Variants in TSHZ2 observed in about 807,000 individuals in gnomAD.
The protein encoded by TSHZ2 is teashirt homolog 2.
Under a neutral mutation model 74.4 loss-of-function variants are expected in TSHZ2, and 21 were observed. The observed-to-expected ratio is 0.28, with a 90% confidence interval of 0.20 to 0.41. TSHZ2 has a LOEUF of 0.41. Among genes scored for constraint, TSHZ2 ranks in the 10% least tolerant of loss-of-function variants. The pLI, the probability that TSHZ2 is intolerant of heterozygous loss-of-function variation, is 1.00. For synonymous variants in TSHZ2, 540 were observed against 515.3 expected (o/e 1.05, Z -0.65); for missense variants, 1,244 against 1,293.5 (o/e 0.96, Z 0.59).
chr20:53,122,134 A>C (rs1986827321), intron 1 of TSHZ2, among the ~76,000 whole-genome samples: 1 of 151,924 alleles, frequency 6.6e-6, no homozygotes, highest in South Asian at 2.1e-4. Flanking sequence ...CAAAAACACA[A>C]AAAATTAGCC....
chr20:53,031,857 A>G (rs926074977), intron 1 of TSHZ2, among the ~76,000 whole-genome samples: 1 of 151,758 alleles, frequency 6.6e-6, no homozygotes, highest in Non-Finnish European at 1.5e-5. Context: ...AAATAGTCTC[A>G]GTTGTGGAAA....
rs186328383 is a variant in TSHZ2, at chr20:53,223,010, C to A, written c.41-30489C>A. On this transcript the variant is annotated intron_variant, in intron 1 of 2. Coordinates refer to ENST00000371497, the MANE Select transcript of TSHZ2 (RefSeq NM_173485.6). The stretch of plus-strand genomic sequence containing the variant: ...TAAAATGAAAGAAAATGAAAAATTC[C>A]TTTCTTCATTCGAACAAGCCACCTT... Among the ~76,000 whole-genome samples, 440 of 152,190 alleles carry A rather than the reference C, an allele frequency of 2.9e-3. 1 individual carries two copies. The highest frequency in any genetic ancestry group is 5.2e-3 in the Admixed American group (80 of 15,292).
intron 1 of TSHZ2, among the ~76,000 whole-genome samples, chr20:53,014,485 G>T (rs907448336): frequency 6.6e-5 from 10 of 152,118 alleles, no homozygotes; most frequent in African/African-American, 2.4e-4. Context: ...TATGAACCAG[G>T]AGCTGTGCTG....
At chr20:53,138,504 T>C (rs1320468555) in intron 1 of TSHZ2, among the ~76,000 whole-genome samples, 1 of 152,138 alleles carries the variant, frequency 6.6e-6, no homozygotes, top group East Asian at 1.9e-4. Context: ...GGCTTTTCTC[T>C]CACCCTTAGT....
intron 2 of TSHZ2, among the ~76,000 whole-genome samples, chr20:53,426,374 C>T (rs941093243): frequency 2.0e-5 from 3 of 152,054 alleles, no homozygotes; most frequent in African/African-American, 7.2e-5. Context: ...CTGGGGGAGA[C>T]CCTTGGCTCA....
At chr20:53,484,628 C>T (rs534441970) in intron 2 of TSHZ2, among the ~76,000 whole-genome samples, 11 of 152,088 alleles carry the variant, frequency 7.2e-5, no homozygotes, top group Admixed American at 3.9e-4. Context: ...TCATGTGATC[C>T]GCCCGCCGTT....
At chr20:53,017,183 C>G (rs1287438131) in intron 1 of TSHZ2, among the ~76,000 whole-genome samples, 1 of 152,154 alleles carries the variant, frequency 6.6e-6, no homozygotes, top group African/African-American at 2.4e-5. Flanking sequence ...TTCACAACAG[C>G]TCTGTGGCAT....
chr20:53,232,130 T>A (rs1989838688), intron 1 of TSHZ2, among the ~76,000 whole-genome samples: 2 of 152,284 alleles, frequency 1.3e-5, no homozygotes, highest in Non-Finnish European at 2.9e-5. Context: ...CCTCAAGCAA[T>A]CCTCCTGCCT....
chr20:53,345,730 C>T (rs1176268120), intron 2 of TSHZ2, among the ~76,000 whole-genome samples: 1 of 149,394 alleles, frequency 6.7e-6, no homozygotes, highest in African/African-American at 2.5e-5. Flanking sequence ...CCAAGAGCCT[C>T]CTCCCTGCCC....
chr20:53,176,974 C>G (rs531286932), intron 1 of TSHZ2, among the ~76,000 whole-genome samples: 1 of 151,996 alleles, frequency 6.6e-6, no homozygotes, highest in Non-Finnish European at 1.5e-5. Flanking sequence ...CACGAGCCAT[C>G]GCACCCAGCC....
chr20:53,181,813 G>A (rs753057786), intron 1 of TSHZ2, among the ~76,000 whole-genome samples: 23 of 152,158 alleles, frequency 1.5e-4, no homozygotes, highest in East Asian at 5.8e-4. Context: ...GCGTGAACCC[G>A]GGAAGCGGAG....
At chr20:53,340,177 C>CTTTCTTTTT (rs1555852081) in intron 2 of TSHZ2, among the ~76,000 whole-genome samples, 1 of 94,080 alleles carries the variant, frequency 1.1e-5, no homozygotes, top group Admixed American at 1.2e-4. Flanking sequence ...ACTTTTCTTT[C>CTTTCTTTTT]TTTTTTCTTT....
intron 2 of TSHZ2, among the ~76,000 whole-genome samples, chr20:53,384,861 G>A (rs156625): frequency 0.078 from 11,922 of 152,242 alleles, 671 homozygotes; most frequent in Non-Finnish European, 0.11. Flanking sequence ...GGTGGCTCAC[G>A]CCTGTAATCC....
At chr20:53,047,111 A>G (rs1984257029) in intron 1 of TSHZ2, among the ~76,000 whole-genome samples, 1 of 152,206 alleles carries the variant, frequency 6.6e-6, no homozygotes, top group Non-Finnish European at 1.5e-5. Flanking sequence ...TTCAAGATAA[A>G]TTTTAAAAGC....
At chr20:53,004,704 C>T (rs905372483) in intron 1 of TSHZ2, among the ~76,000 whole-genome samples, 1 of 152,150 alleles carries the variant, frequency 6.6e-6, no homozygotes, top group Admixed American at 6.5e-5. Flanking sequence ...GTCCGTGTGA[C>T]ATCACATGCC....
At chr20:53,110,622 G>C (rs1986505258) in intron 1 of TSHZ2, among the ~76,000 whole-genome samples, 2 of 152,186 alleles carry the variant, frequency 1.3e-5, no homozygotes, top group African/African-American at 4.8e-5. Flanking sequence ...GTCTGTTGGA[G>C]CAGTTGGGAT....
chr20:53,370,358 GA>G (rs1381264894), intron 2 of TSHZ2, among the ~76,000 whole-genome samples: 1 of 152,132 alleles, frequency 6.6e-6, no homozygotes, highest in Non-Finnish European at 1.5e-5. Flanking sequence ...TTTCTCCGTG[GA>G]AAGTCTCAGG....
chr20:52,986,516 G>T (rs918649934), intron 1 of TSHZ2, among the ~76,000 whole-genome samples: 1 of 151,910 alleles, frequency 6.6e-6, no homozygotes, highest in African/African-American at 2.4e-5. Flanking sequence ...ATCACCTGAG[G>T]TCAGGGGTTT....
At chr20:53,161,494 A>G (rs1207025572) in intron 1 of TSHZ2, among the ~76,000 whole-genome samples, 1 of 152,214 alleles carries the variant, frequency 6.6e-6, no homozygotes, top group Non-Finnish European at 1.5e-5. Flanking sequence ...TTTATAAAGG[A>G]AAGAGATGTA....
Sources: allele counts gnomAD v4.1 joint callset (sites outside exome capture counted in the v4.1 genomes callset), GRCh38; gene constraint gnomAD v4.1.1; transcripts MANE v1.5; gene names NCBI Gene and HGNC (gene_info 2026-07-23, HGNC 2026-07-21).